The following TBC1D22A variants were observed in gnomAD, a reference collection of about 807,000 sequenced individuals.
The protein encoded by TBC1D22A is putative GTPase activator.
TBC1D22A carries 38 observed loss-of-function variants against 60.2 expected under a neutral mutation model. That is an observed-to-expected ratio of 0.63 (90% confidence interval 0.49 to 0.83). The LOEUF is 0.83. Ranked by LOEUF, TBC1D22A falls within the 40% of genes least tolerant of loss-of-function variation. TBC1D22A has a pLI of 0.00. For synonymous variants in TBC1D22A, 302 were observed against 281.7 expected, an observed-to-expected ratio of 1.07 and a Z score of -0.72; for missense variants, 628 against 701.0, an observed-to-expected ratio of 0.90 and a Z score of 1.18.
At position 46,912,054 on chromosome 22, in the gene TBC1D22A, C is replaced by T. The variant is rs757123843; in HGVS notation, c.901-20C>T. 5 of 1,583,248 alleles carry T rather than the reference C, an allele frequency of 3.2e-6. No individual in the cohort carries two copies. In the African/African-American group the frequency reaches 5.4e-5, roughly 17 times the overall value. On this transcript the variant is annotated intron_variant, in intron 7 of 12. Coordinates refer to ENST00000337137, the MANE Select transcript of TBC1D22A (RefSeq NM_014346.5). ...GCCATGTTTACTTTTTGCTTTACCACCTGTTCCATTTTCTTTCAGATTTTT... is the reference window on the plus strand; with the variant it reads ...GCCATGTTTACTTTTTGCTTTACCATCTGTTCCATTTTCTTTCAGATTTTT...
chr22:46,763,126 G>A, intron 1 of TBC1D22A: 2 of 428,894 alleles, frequency 4.7e-6, no homozygotes, highest in Non-Finnish European at 8.3e-6. Context: ...AAACTCCTGG[G>A]CTCCTTGGGG....
At chr22:46,969,973 T>C (rs149304697) in intron 8 of TBC1D22A, among the ~76,000 whole-genome samples, 2 of 152,318 alleles carry the variant, frequency 1.3e-5, no homozygotes, top group African/African-American at 4.8e-5. Context: ...AAAATGTCAC[T>C]GTAGAAAGTC....
At chr22:46,873,423 C>T (rs2067384714) in intron 4 of TBC1D22A, among the ~76,000 whole-genome samples, 1 of 152,166 alleles carries the variant, frequency 6.6e-6, no homozygotes, top group South Asian at 2.1e-4. Context: ...TGGAACAATT[C>T]AAATGTTCAT....
intron 10 of TBC1D22A, among the ~76,000 whole-genome samples, chr22:47,018,316 G>C (rs1470613901): frequency 6.6e-6 from 1 of 152,144 alleles, no homozygotes; most frequent in African/African-American, 2.4e-5. Context: ...TGTTCTGGGC[G>C]CACATGCAAG....
At chr22:47,080,752 TGAAAA>T (rs1401217546) in intron 11 of TBC1D22A, among the ~76,000 whole-genome samples, 1 of 150,880 alleles carries the variant, frequency 6.6e-6, no homozygotes, top group Non-Finnish European at 1.5e-5. Flanking sequence ...GAAATGAAAA[TGAAAA>T]GAACAGAAAT....
chr22:47,083,077 G>A (rs186422078), intron 11 of TBC1D22A, among the ~76,000 whole-genome samples: 43 of 152,224 alleles, frequency 2.8e-4, no homozygotes, highest in Admixed American at 2.0e-3. Context: ...AAAACATACC[G>A]CCTGATTTCA....
At chr22:47,025,498 C>T (rs1234146784) in intron 10 of TBC1D22A, among the ~76,000 whole-genome samples, 1 of 152,160 alleles carries the variant, frequency 6.6e-6, no homozygotes, top group Non-Finnish European at 1.5e-5. Context: ...TTTTAAGTAA[C>T]CCATGTATCA....
intron 8 of TBC1D22A, among the ~76,000 whole-genome samples, chr22:46,952,282 C>T (rs911495463): frequency 9.8e-6 from 1 of 101,924 alleles, no homozygotes; most frequent in Non-Finnish European, 2.4e-5. Flanking sequence ...CCATCATTTT[C>T]GGCTTCTGTG....
At chr22:47,034,448 T>G (rs535283196) in intron 10 of TBC1D22A, among the ~76,000 whole-genome samples, 64 of 150,412 alleles carry the variant, frequency 4.3e-4, no homozygotes, top group African/African-American at 1.5e-3. Flanking sequence ...AGAATCTGTA[T>G]TTAACAGCTC....
intron 11 of TBC1D22A, among the ~76,000 whole-genome samples, chr22:47,069,954 CCCAGCG>C (rs2063914458): frequency 2.1e-4 from 25 of 120,346 alleles, no homozygotes; most frequent in South Asian, 5.2e-4. Context: ...ACCTGACGGT[CCCAGCG>C]CTGTCCCCTG....
intron 11 of TBC1D22A, among the ~76,000 whole-genome samples, chr22:47,076,561 T>A (rs2064236696): frequency 6.6e-6 from 1 of 151,956 alleles, no homozygotes; most frequent in Admixed American, 6.6e-5. Flanking sequence ...AGGTATTTAT[T>A]AAATAAATCT....
intron 10 of TBC1D22A, among the ~76,000 whole-genome samples, chr22:47,019,115 G>C (rs944677212): frequency 6.6e-6 from 1 of 152,216 alleles, no homozygotes; most frequent in Non-Finnish European, 1.5e-5. Flanking sequence ...CTGGCCTGGC[G>C]CCCACATCCA....
intron 11 of TBC1D22A, 39 bp from the exon 12 acceptor site, chr22:47,111,469 G>T (rs77248207): frequency 6.3e-7 from 1 of 1,580,092 alleles, no homozygotes; most frequent in Admixed American, 1.7e-5. Context: ...AATGGGTCAC[G>T]CGTTACAATT....
chr22:47,131,318 T>G (rs555657542), intron 12 of TBC1D22A, among the ~76,000 whole-genome samples: 1 of 152,328 alleles, frequency 6.6e-6, no homozygotes. Flanking sequence ...GAGGGCAGTG[T>G]CCTCAGCCAG....
intron 8 of TBC1D22A, among the ~76,000 whole-genome samples, chr22:46,936,865 C>G (rs142879896): frequency 6.6e-6 from 1 of 152,308 alleles, no homozygotes; most frequent in African/African-American, 2.4e-5. Flanking sequence ...AACTACTCAC[C>G]AAAAAGCAAA....
intron 12 of TBC1D22A, among the ~76,000 whole-genome samples, chr22:47,157,370 T>G (rs961650543): frequency 6.6e-6 from 1 of 152,224 alleles, no homozygotes; most frequent in Non-Finnish European, 1.5e-5. Context: ...GACTGCAGAC[T>G]CTGACACCGC....
At chr22:46,972,058 C>T (rs894344419) in intron 8 of TBC1D22A, among the ~76,000 whole-genome samples, 6 of 152,146 alleles carry the variant, frequency 3.9e-5, no homozygotes, top group East Asian at 1.9e-4. Context: ...GCCCCGCATT[C>T]GAGGAATGGG....
chr22:47,096,798 GGT>G (rs2065196036), intron 11 of TBC1D22A, among the ~76,000 whole-genome samples: 1 of 152,122 alleles, frequency 6.6e-6, no homozygotes, highest in African/African-American at 2.4e-5. Context: ...CTCCAGCCTG[GGT>G]GGCAGAGCGA....
rs750934001 is a variant in TBC1D22A, at chr22:47,142,578, T to TCACCTACCCATCCATC, written c.1426-30916_1426-30915insTACCCATCCATCCACC. ...CCCACCCATCTATCCACCTACCCATTCACCCACCCATCCATCCACCCATCA... is the reference window on the plus strand; with the variant it reads ...CCCACCCATCTATCCACCTACCCATTCACCTACCCATCCATCCACCCACCCATCCATCCACCCATCA... On this transcript the variant is annotated intron_variant, in intron 12 of 12. Transcript: ENST00000337137. Among the ~76,000 whole-genome samples, 381 of 95,770 alleles carry TCACCTACCCATCCATC rather than the reference T, an allele frequency of 4.0e-3. 5 individuals carry two copies. Among genetic ancestry groups the TCACCTACCCATCCATC allele is most frequent in the African/African-American group, 0.015 (332 of 22,618 alleles). The allele number at this position is 95,770 out of a possible 152,430, so 62.8% of individuals were successfully genotyped here.
Sources: allele counts gnomAD v4.1 joint callset (sites outside exome capture counted in the v4.1 genomes callset), GRCh38; gene constraint gnomAD v4.1.1; transcripts MANE v1.5; gene names NCBI Gene and HGNC (gene_info 2026-07-23, HGNC 2026-07-21).